Variants in TEAD1 observed in about 807,000 individuals in gnomAD.
TEAD1 encodes the protein transcriptional enhancer factor TEF-1.
A neutral mutation model predicts 54.9 loss-of-function variants in TEAD1; 9 were observed. The ratio of observed to expected loss-of-function variants is 0.16; its 90% confidence interval spans 0.10 to 0.29. The LOEUF is 0.29. TEAD1 is among the 10% of genes least tolerant of loss of function. TEAD1 has a pLI of 1.00. For synonymous variants in TEAD1, 200 were observed against 187.8 expected (o/e 1.07, Z -0.53); for missense variants, 387 against 535.9 (o/e 0.72, Z 2.74).
chr11:12,866,207 G>C (rs774195117), intron 5 of TEAD1, among the ~76,000 whole-genome samples: 1 of 152,202 alleles, frequency 6.6e-6, no homozygotes, highest in Non-Finnish European at 1.5e-5. Context: ...CTATATGGAT[G>C]TAACTACCCC....
At chr11:12,784,444 T>G (rs543443265) in intron 3 of TEAD1, among the ~76,000 whole-genome samples, 1 of 152,272 alleles carries the variant, frequency 6.6e-6, no homozygotes, top group East Asian at 1.9e-4. Context: ...TGGAAGTGGA[T>G]AAGCTTGTCT....
At position 12,879,813 on chromosome 11, in the gene TEAD1, C is replaced by T. The variant is rs1391719475; in HGVS notation, c.436C>T (p.Pro146Ser). ...TAACAAGCTGGGGCTGCCTGGGATT[C>T]CACGCCCGACCTTCCCAGGGGCGCC... Residue 146 changes from proline to serine, a missense_variant, in exon 6 of 13, where the codon CCA becomes TCA. Around this residue, in one of 5 missense-constraint regions of TEAD1, gnomAD observed 180 missense variants for 180.6 expected, o/e 1.00. Coordinates refer to ENST00000527636, the MANE Select transcript of TEAD1 (RefSeq NM_021961.6). 2 of 1,613,960 alleles carry T rather than the reference C, an allele frequency of 1.2e-6. No homozygotes were observed. The highest frequency in any genetic ancestry group is 2.2e-5 in the South Asian group (2 of 91,076).
chr11:12,815,172 T>C (rs1946391118), intron 3 of TEAD1, among the ~76,000 whole-genome samples: 1 of 151,360 alleles, frequency 6.6e-6, no homozygotes, highest in Non-Finnish European at 1.5e-5. Context: ...AGGGGGTGAG[T>C]TTTAAACAGA....
intron 10 of TEAD1, among the ~76,000 whole-genome samples, chr11:12,916,874 T>C (rs1948723149): frequency 6.6e-6 from 1 of 152,010 alleles, no homozygotes; most frequent in African/African-American, 2.4e-5. Flanking sequence ...AGGAGAGGAA[T>C]GGTGAAGTTA....
intron 2 of TEAD1, among the ~76,000 whole-genome samples, chr11:12,718,061 T>C (rs1944102595): frequency 6.6e-6 from 1 of 152,168 alleles, no homozygotes; most frequent in Non-Finnish European, 1.5e-5. Flanking sequence ...AGAGTGGTTT[T>C]CTTAGCCTCT....
intron 1 of TEAD1, among the ~76,000 whole-genome samples, chr11:12,675,117 G>C (rs1943050487): frequency 6.8e-6 from 1 of 147,494 alleles, no homozygotes; most frequent in South Asian, 2.1e-4. Flanking sequence ...GCCGCGCCGC[G>C]CCCCCCGCGC....
intron 2 of TEAD1, among the ~76,000 whole-genome samples, chr11:12,680,789 G>A (rs983998305): frequency 6.6e-6 from 1 of 152,332 alleles, no homozygotes; most frequent in South Asian, 2.1e-4. Flanking sequence ...CCCACATGCC[G>A]CCGCTGCTGG....
chr11:12,723,549 G>A (rs1173086171), intron 2 of TEAD1, among the ~76,000 whole-genome samples: 5 of 152,074 alleles, frequency 3.3e-5, no homozygotes, highest in African/African-American at 1.2e-4. Context: ...TTAATAGGGC[G>A]GTATTTGGAG....
At chr11:12,920,002 C>G (rs1328363183) in intron 10 of TEAD1, among the ~76,000 whole-genome samples, 1 of 152,158 alleles carries the variant, frequency 6.6e-6, no homozygotes, top group African/African-American at 2.4e-5. Flanking sequence ...ACAGATTTGT[C>G]AATGAGCAAC....
intron 2 of TEAD1, among the ~76,000 whole-genome samples, chr11:12,694,770 G>C (rs924765869): frequency 1.3e-5 from 2 of 152,152 alleles, no homozygotes; most frequent in Non-Finnish European, 2.9e-5. Flanking sequence ...GTTAGCTAGC[G>C]TGGGATTTGA....
intron 2 of TEAD1, among the ~76,000 whole-genome samples, chr11:12,763,968 T>C (rs1000099714): frequency 6.6e-6 from 1 of 152,162 alleles, no homozygotes; most frequent in African/African-American, 2.4e-5. Context: ...TATTCTCCAG[T>C]AGGAGTTATC....
intron 10 of TEAD1, among the ~76,000 whole-genome samples, chr11:12,910,876 A>G (rs1459983894): frequency 6.6e-6 from 1 of 150,630 alleles, no homozygotes; most frequent in Non-Finnish European, 1.5e-5. Context: ...CCTCCCGAGT[A>G]GCTGGGATTA....
intron 3 of TEAD1, among the ~76,000 whole-genome samples, chr11:12,799,168 ATTAGAAAAGT>A (rs1945999707): frequency 6.6e-6 from 1 of 152,220 alleles, no homozygotes; most frequent in Non-Finnish European, 1.5e-5. Context: ...TGTCTACCAA[ATTAGAAAAGT>A]TCCAGGCGTT....
At chr11:12,727,590 G>A (rs1944338779) in intron 2 of TEAD1, among the ~76,000 whole-genome samples, 2 of 152,172 alleles carry the variant, frequency 1.3e-5, no homozygotes, top group South Asian at 2.1e-4. Context: ...TAAAAATTTG[G>A]GATTAAGGCC....
chr11:12,706,113 C>T (rs553877041), intron 2 of TEAD1, among the ~76,000 whole-genome samples: 3 of 152,182 alleles, frequency 2.0e-5, no homozygotes, highest in African/African-American at 4.8e-5. Context: ...AAATTTGACT[C>T]GTTTGAAATA....
intron 9 of TEAD1, among the ~76,000 whole-genome samples, chr11:12,900,464 T>A (rs187904184): frequency 6.6e-6 from 1 of 152,344 alleles, no homozygotes; most frequent in African/African-American, 2.4e-5. Flanking sequence ...TCTTGTTAGA[T>A]CTAGGATCCC....
At chr11:12,787,934 T>G (rs925869577) in intron 3 of TEAD1, among the ~76,000 whole-genome samples, 1 of 151,896 alleles carries the variant, frequency 6.6e-6, no homozygotes, top group Admixed American at 6.6e-5. Context: ...GATACTCTGG[T>G]TTCTCTTCAG....
chr11:12,772,513 G>A (rs1341271301), intron 3 of TEAD1, among the ~76,000 whole-genome samples: 1 of 152,188 alleles, frequency 6.6e-6, no homozygotes, highest in Non-Finnish European at 1.5e-5. Context: ...AGTAGAGCAA[G>A]CTTAGTACAG....
chr11:12,844,816 G>A (rs1252662331), intron 3 of TEAD1, among the ~76,000 whole-genome samples: 1 of 152,076 alleles, frequency 6.6e-6, no homozygotes, highest in Admixed American at 6.6e-5. Context: ...GGATTATTGT[G>A]ATTAAGAGGA....
Sources: allele counts gnomAD v4.1 joint callset (sites outside exome capture counted in the v4.1 genomes callset), GRCh38; gene constraint gnomAD v4.1.1; regional missense constraint gnomAD v4.1.1; transcripts MANE v1.5; gene names NCBI Gene and HGNC (gene_info 2026-07-23, HGNC 2026-07-21).